Variants in SERGEF observed in about 807,000 individuals in gnomAD.
SERGEF encodes secretion regulating guanine nucleotide exchange factor.
Under a neutral mutation model 50.0 loss-of-function variants are expected in SERGEF, and 51 were observed. That is an observed-to-expected ratio of 1.02 (90% CI 0.81 to 1.29). The LOEUF is 1.29. SERGEF is among the 50% of genes most tolerant of loss of function. The pLI is 0.00. For synonymous variants in SERGEF, 205 were observed against 212.4 expected, an observed-to-expected ratio of 0.97 and a Z score of 0.30; for missense variants, 521 against 557.0, an observed-to-expected ratio of 0.94 and a Z score of 0.65.
intron 9 of SERGEF, among the ~76,000 whole-genome samples, chr11:17,920,690 T>C (rs1041298064): frequency 1.3e-5 from 2 of 152,196 alleles, no homozygotes; most frequent in African/African-American, 4.8e-5. Context: ...GTGGCCTATA[T>C]GGGAGGCCAG....
intron 10 of SERGEF, among the ~76,000 whole-genome samples, chr11:17,848,775 A>G (rs1470241341): frequency 6.6e-6 from 1 of 152,224 alleles, no homozygotes; most frequent in Admixed American, 6.5e-5. Flanking sequence ...TTCCTTAGAG[A>G]AGAATGCTAG....
intron 10 of SERGEF, among the ~76,000 whole-genome samples, chr11:17,834,169 A>T (rs1474036963): frequency 6.6e-6 from 1 of 152,158 alleles, no homozygotes; most frequent in Non-Finnish European, 1.5e-5. Flanking sequence ...AGTCTTTCCC[A>T]TGCTGTTCTC....
chr11:17,820,975 T>A (rs1378793398), intron 10 of SERGEF, among the ~76,000 whole-genome samples: 4 of 152,140 alleles, frequency 2.6e-5, no homozygotes, highest in African/African-American at 9.7e-5. Context: ...TCTGCAGATG[T>A]AACCAAGTTA....
intron 9 of SERGEF, among the ~76,000 whole-genome samples, chr11:17,931,662 A>T (rs1189897448): frequency 6.6e-6 from 1 of 152,194 alleles, no homozygotes; most frequent in Non-Finnish European, 1.5e-5. Context: ...GACTTCTGTG[A>T]GCACTTAGGC....
At chr11:17,802,880 A>G (rs1322233865) in intron 10 of SERGEF, among the ~76,000 whole-genome samples, 2 of 152,198 alleles carry the variant, frequency 1.3e-5, no homozygotes, top group African/African-American at 4.8e-5. Context: ...ACCCTATCAT[A>G]TACTTTTGTT....
intron 9 of SERGEF, among the ~76,000 whole-genome samples, chr11:17,879,868 A>G (rs1391898483): frequency 6.6e-6 from 1 of 152,232 alleles, no homozygotes; most frequent in African/African-American, 2.4e-5. Flanking sequence ...TTAAAAAAAT[A>G]AAATAAAAAA....
At chr11:18,000,366 T>C in intron 5 of SERGEF, 131 bp downstream of exon 5, 3 of 613,270 alleles carry the variant, frequency 4.9e-6, no homozygotes, top group Non-Finnish European at 8.4e-6. Context: ...GTTAGACAGC[T>C]TGGGCTCAGG....
At chr11:17,908,393 T>C (rs182847988) in intron 9 of SERGEF, among the ~76,000 whole-genome samples, 24 of 152,242 alleles carry the variant, frequency 1.6e-4, no homozygotes, top group African/African-American at 3.6e-4. Flanking sequence ...ACCACCACCA[T>C]CATCACTCAC....
intron 9 of SERGEF, among the ~76,000 whole-genome samples, chr11:17,879,520 G>C (rs1851301402): frequency 2.6e-5 from 4 of 152,290 alleles, no homozygotes; most frequent in Admixed American, 1.3e-4. Context: ...ACTAAGACTA[G>C]AGCCACCATT....
rs1428873977 is a variant in SERGEF at position 18,007,992 on chromosome 11, T to A, written c.145A>T (p.Arg49Trp). 1 of 1,614,134 alleles carries A rather than the reference T, an allele frequency of 6.2e-7. No individual in the cohort carries two copies. The part of the protein sequence containing the change: ...PQQLNDFCKP[R>W]SVRRITGGGG... ...CCTCCTGTGATCCTCCTGACACTCC[T>A]GGGTTTACAGAAGTCATTCAGTTGC... The change falls in exon 2 of 11, where the codon AGG becomes TGG. Residue 49 changes from arginine to tryptophan, a missense_variant. Physicochemically the swap from Arg to Trp is moderately radical, Grantham distance 101. Coordinates refer to ENST00000265965, the MANE Select transcript of SERGEF (RefSeq NM_012139.4).
At chr11:18,001,843 T>A (rs2134009142) in intron 4 of SERGEF, 1 of 314,550 alleles carries the variant, frequency 3.2e-6, no homozygotes, top group East Asian at 8.6e-5. Flanking sequence ...CTCTATAGCA[T>A]AATCATAACC....
chr11:17,947,701 A>G (rs980871779), intron 9 of SERGEF, among the ~76,000 whole-genome samples: 1 of 152,174 alleles, frequency 6.6e-6, no homozygotes, highest in Non-Finnish European at 1.5e-5. Flanking sequence ...TCTAGTCCAC[A>G]CTGCTGCCAC....
At chr11:18,012,929 G>A in intron 1 of SERGEF, 22 bp downstream of exon 1, 1 of 1,519,558 alleles carries the variant, frequency 6.6e-7, no homozygotes, top group Non-Finnish European at 8.8e-7. Flanking sequence ...GCCTGCACCG[G>A]CCCGGGGGCG....
Position 17,889,822 on chromosome 11 carries a change from T to C in SERGEF, c.1012-11578A>G, listed in dbSNP as rs1851499287. Among the ~76,000 whole-genome samples the C allele has an allele frequency of 5.9e-5, 9 of 152,108 alleles. 1 individual carries two copies. The South Asian group carries it at 1.9e-3, about 32-fold the overall frequency. ...TTATTCTTGCAACTCTTCCGTGAGT[T>C]TGAAATCATTTCAAAATAAAAAGTT... On this transcript the variant is annotated intron_variant, in intron 9 of 10. Transcript: ENST00000265965.
chr11:17,963,546 C>A (rs1008660444), intron 8 of SERGEF, among the ~76,000 whole-genome samples: 7 of 151,878 alleles, frequency 4.6e-5, no homozygotes, highest in African/African-American at 1.7e-4. Context: ...CACCACCATC[C>A]GGCCAATTTT....
chr11:17,851,484 G>A (rs1850712225), intron 10 of SERGEF, among the ~76,000 whole-genome samples: 2 of 152,054 alleles, frequency 1.3e-5, no homozygotes, highest in African/African-American at 4.8e-5. Context: ...GCTCTATAGA[G>A]CCCCCGCACA....
chr11:17,934,338 C>T (rs1852409504), intron 9 of SERGEF, among the ~76,000 whole-genome samples: 1 of 152,124 alleles, frequency 6.6e-6, no homozygotes, highest in African/African-American at 2.4e-5. Flanking sequence ...GCTAAACCAC[C>T]CCTCAAACAA....
chr11:17,994,803 C>T (rs771678724), intron 6 of SERGEF, among the ~76,000 whole-genome samples: 9 of 152,094 alleles, frequency 5.9e-5, no homozygotes, highest in Non-Finnish European at 1.3e-4. Flanking sequence ...AGAACACCTC[C>T]AGGACTTAGA....
At chr11:17,882,138 G>A (rs754117286) in intron 9 of SERGEF, among the ~76,000 whole-genome samples, 11 of 152,138 alleles carry the variant, frequency 7.2e-5, no homozygotes, top group Non-Finnish European at 1.0e-4. Context: ...CTGCTCAGCC[G>A]GGTGTGGTGG....
Sources: allele counts gnomAD v4.1 joint callset (sites outside exome capture counted in the v4.1 genomes callset), GRCh38; gene constraint gnomAD v4.1.1; transcripts MANE v1.5; gene names NCBI Gene and HGNC (gene_info 2026-07-23, HGNC 2026-07-21).